The following NMNAT3 variants were observed in gnomAD, a reference collection of about 807,000 sequenced individuals.
The protein encoded by NMNAT3 is nicotinamide nucleotide adenylyltransferase 3, also known as nicotinamide/nicotinic acid mononucleotide adenylyltransferase 3.
A neutral mutation model predicts 24.8 loss-of-function variants in NMNAT3; 21 were observed. That is an observed-to-expected ratio of 0.85 (90% CI 0.60 to 1.22). NMNAT3 has a LOEUF of 1.22. NMNAT3 is among the 50% of genes most tolerant of loss of function. The pLI is 0.00. For synonymous variants in NMNAT3, 136 were observed against 155.2 expected, an observed-to-expected ratio of 0.88 and a Z score of 0.92; for missense variants, 387 against 436.6, an observed-to-expected ratio of 0.89 and a Z score of 1.01.
chr3:139,630,157 A>G (rs1032724560), intron 2 of NMNAT3, among the ~76,000 whole-genome samples: 5 of 152,226 alleles, frequency 3.3e-5, no homozygotes, highest in Admixed American at 1.3e-4. Context: ...TAGATTGGCT[A>G]TTCCTCTTAA....
chr3:139,650,974 C>A (rs1467211645), intron 1 of NMNAT3, among the ~76,000 whole-genome samples: 1 of 152,134 alleles, frequency 6.6e-6, no homozygotes, highest in Admixed American at 6.5e-5. Context: ...AAGAAAACCA[C>A]CACATCATTT....
chr3:139,633,459 C>T (rs956488371), intron 2 of NMNAT3, among the ~76,000 whole-genome samples: 5 of 152,128 alleles, frequency 3.3e-5, no homozygotes, highest in East Asian at 1.9e-4. Context: ...GGATTACAGG[C>T]GTGAGCCACT....
intron 3 of NMNAT3, among the ~76,000 whole-genome samples, chr3:139,592,636 C>T (rs1377762705): frequency 6.6e-6 from 1 of 152,136 alleles, no homozygotes; most frequent in Non-Finnish European, 1.5e-5. Context: ...AGAAACTCTA[C>T]AAGCCAGAAG....
At chr3:139,672,803 G>A (rs1471050646) in intron 1 of NMNAT3, 1 of 152,156 alleles carries the variant, frequency 6.6e-6, no homozygotes, top group Non-Finnish European at 1.5e-5. Context: ...TGTTTCCTGA[G>A]GCTGTTTGGA....
intron 6 of NMNAT3, chr3:139,570,631 A>T (rs1938089335): frequency 5.2e-5 from 8 of 152,466 alleles, no homozygotes; most frequent in Admixed American, 5.2e-4. Flanking sequence ...TTGCCTGGGT[A>T]TCAGCAGTGG....
chr3:139,601,841 C>T (rs1051402247), intron 3 of NMNAT3, among the ~76,000 whole-genome samples: 1 of 152,164 alleles, frequency 6.6e-6, no homozygotes, highest in Admixed American at 6.5e-5. Flanking sequence ...GAGGATGGGA[C>T]ATTGAAACTG....
chr3:139,621,078 G>A (rs1440034425), intron 3 of NMNAT3, among the ~76,000 whole-genome samples: 1 of 152,004 alleles, frequency 6.6e-6, no homozygotes, highest in Admixed American at 6.5e-5. Flanking sequence ...CCATGCAATT[G>A]GCCATATTTA....
At chr3:139,597,089 T>C (rs2054519628) in intron 3 of NMNAT3, among the ~76,000 whole-genome samples, 1 of 151,714 alleles carries the variant, frequency 6.6e-6, no homozygotes, top group Admixed American at 6.6e-5. Context: ...TCTCCTGGAC[T>C]TTCTAAGGAC....
At chr3:139,667,999 G>A (rs1448227580) in intron 1 of NMNAT3, among the ~76,000 whole-genome samples, 1 of 152,206 alleles carries the variant, frequency 6.6e-6, no homozygotes, top group Non-Finnish European at 1.5e-5. Context: ...ATAAGGATAT[G>A]GGAGGTATCC....
chr3:139,601,210 A>C (rs2054700062), intron 3 of NMNAT3, among the ~76,000 whole-genome samples: 1 of 152,138 alleles, frequency 6.6e-6, no homozygotes, highest in Non-Finnish European at 1.5e-5. Context: ...GTCCTCTATT[A>C]ACAAATAACT....
At chr3:139,621,951 T>C (rs1217015402) in intron 3 of NMNAT3, among the ~76,000 whole-genome samples, 1 of 152,234 alleles carries the variant, frequency 6.6e-6, no homozygotes, top group Non-Finnish European at 1.5e-5. Flanking sequence ...CCATTATGTA[T>C]ATATACCACA....
At chr3:139,567,904 T>A (rs1401147113) in intron 6 of NMNAT3, 1 of 152,272 alleles carries the variant, frequency 6.6e-6, no homozygotes, top group Non-Finnish European at 1.5e-5. Flanking sequence ...TGCAATAGTT[T>A]CAGAAGGAAT....
Position 139,573,654 on chromosome 3 carries a change from G to T in NMNAT3, c.602C>A (p.Ser201Tyr), listed in dbSNP as rs1217136363. The change falls in exon 6 of 7, where the codon TCT becomes TAT. Residue 201 changes from serine (S) to tyrosine (Y), a missense_variant. By Grantham distance (144) the Ser-to-Tyr change is moderately radical. Coordinates refer to ENST00000643695, the MANE Select transcript of NMNAT3 (RefSeq NM_001320510.2). ...GTCTGGGCCTTCCATCTGGGGTGGA[G>T]ATCTGAGCAGTTTGCTGTGATGATG... The T allele has an allele frequency of 1.2e-6, 2 of 1,605,130 alleles. No individual in the cohort carries two copies. Among genetic ancestry groups the T allele is most frequent in the Non-Finnish European group, 1.7e-6 (2 of 1,176,306 alleles).
intron 1 of NMNAT3, among the ~76,000 whole-genome samples, chr3:139,644,659 T>A (rs1242405324): frequency 3.2e-4 from 48 of 152,114 alleles, no homozygotes; most frequent in Admixed American, 3.1e-3. Flanking sequence ...CCAAAAATAA[T>A]GTAAATTAAA....
chr3:139,620,208 T>TTA (rs2055701368), intron 3 of NMNAT3, among the ~76,000 whole-genome samples: 1 of 151,736 alleles, frequency 6.6e-6, no homozygotes, highest in Admixed American at 6.6e-5. Context: ...GTCTTTTTTT[T>TTA]TTTTTTTTAA....
intron 1 of NMNAT3, among the ~76,000 whole-genome samples, chr3:139,639,466 G>A (rs191028268): frequency 3.0e-4 from 45 of 152,330 alleles, no homozygotes; most frequent in Admixed American, 9.2e-4. Flanking sequence ...GGCAGGCAGA[G>A]TTACTGTCCA....
chr3:139,638,739 T>A (rs1705988259), intron 1 of NMNAT3, among the ~76,000 whole-genome samples: 1 of 152,202 alleles, frequency 6.6e-6, no homozygotes. Context: ...CTCTGATCCA[T>A]CCTCTGCGTA....
At chr3:139,596,803 T>TGCTGCCC (rs2054480622) in intron 3 of NMNAT3, among the ~76,000 whole-genome samples, 1 of 151,550 alleles carries the variant, frequency 6.6e-6, no homozygotes, top group African/African-American at 2.4e-5. Flanking sequence ...AGCTGCTGCC[T>TGCTGCCC]GCTGCCCTTG....
At chr3:139,645,498 T>C (rs2056841663) in intron 1 of NMNAT3, among the ~76,000 whole-genome samples, 1 of 152,198 alleles carries the variant, frequency 6.6e-6, no homozygotes, top group Admixed American at 6.5e-5. Context: ...TAGATTTTTT[T>C]CTCTGTTATT....
Sources: allele counts gnomAD v4.1 joint callset (sites outside exome capture counted in the v4.1 genomes callset), GRCh38; gene constraint gnomAD v4.1.1; transcripts MANE v1.5; gene names NCBI Gene and HGNC (gene_info 2026-07-23, HGNC 2026-07-21).